The following FREM2 variants were observed in gnomAD, a reference collection of about 807,000 sequenced individuals.
FREM2 encodes FRAS1-related extracellular matrix protein 2.
Under a neutral mutation model 219.9 loss-of-function variants are expected in FREM2, and 119 were observed. The ratio of observed to expected loss-of-function variants is 0.54; its 90% confidence interval spans 0.47 to 0.63. The LOEUF is 0.63. FREM2 is among the 30% of genes least tolerant of loss of function. The pLI is 0.00. For synonymous variants in FREM2, 1,562 were observed against 1,522.8 expected (o/e 1.03, Z -0.60); for missense variants, 4,030 against 3,993.6 (o/e 1.01, Z -0.25).
intron 16 of FREM2, among the ~76,000 whole-genome samples, chr13:38,867,816 T>C (rs138411088): frequency 6.6e-6 from 1 of 152,358 alleles, no homozygotes; most frequent in East Asian, 1.9e-4. Context: ...AGTACTATTT[T>C]TGTCCTTTTC....
At position 38,687,325 on chromosome 13, in the gene FREM2, C is replaced by G; in HGVS notation, c.-20C>G. ...TCGCATGCTCTCAGGCTGACCTGTC[C>G]AAGCCCGAACACCGGGACCATGCAC... is the stretch of plus-strand genomic sequence containing the variant. On this transcript the variant is annotated 5_prime_UTR_variant, in exon 1 of 24. Transcript: ENST00000280481. 6.3e-7 allele frequency: 1 copy of G among 1,585,294 alleles called. No homozygotes were observed. The highest frequency in any genetic ancestry group is 8.6e-7 in the Non-Finnish European group (1 of 1,165,706).
At chr13:38,714,105 T>G (rs964684976) in intron 2 of FREM2, among the ~76,000 whole-genome samples, 1 of 152,236 alleles carries the variant, frequency 6.6e-6, no homozygotes, top group Non-Finnish European at 1.5e-5. Context: ...ATAAACTGTT[T>G]AGGGACAGAG....
At chr13:38,865,325 C>A (rs1229082665) in intron 16 of FREM2, among the ~76,000 whole-genome samples, 1 of 152,130 alleles carries the variant, frequency 6.6e-6, no homozygotes, top group Admixed American at 6.6e-5. Flanking sequence ...GATAAGGAAG[C>A]AAGATCTTCT....
chr13:38,880,800 GA>G lies in FREM2; in HGVS notation c.*15del. On this transcript the variant is annotated 3_prime_UTR_variant, in exon 24 of 24. Coordinates refer to ENST00000280481, the MANE Select transcript of FREM2 (RefSeq NM_207361.6). ...CTCAGAAGTTTGATGACTGCAGGTA[GA>G]ATTCAACCTTTTCCGTAAGTGCCTC... 6.2e-7 allele frequency: 1 copy of G among 1,613,944 alleles called. No homozygotes were observed. Among genetic ancestry groups the G allele is most frequent in the Non-Finnish European group, 8.5e-7 (1 of 1,179,996 alleles).
intron 6 of FREM2, among the ~76,000 whole-genome samples, chr13:38,808,725 T>C (rs925872770): frequency 1.3e-5 from 2 of 151,870 alleles, no homozygotes; most frequent in Admixed American, 6.6e-5. Context: ...ACATCAAAGA[T>C]CACTGATCAT....
chr13:38,793,366 G>A (rs1413420351), intron 6 of FREM2, among the ~76,000 whole-genome samples: 1 of 152,172 alleles, frequency 6.6e-6, no homozygotes, highest in African/African-American at 2.4e-5. Flanking sequence ...GAACTTTGAG[G>A]ATGATATCAA....
chr13:38,857,082 G>A (rs1359885670), intron 12 of FREM2, among the ~76,000 whole-genome samples: 2 of 152,028 alleles, frequency 1.3e-5, no homozygotes, highest in African/African-American at 4.8e-5. Context: ...ATCAAATATA[G>A]TTTTGTGTCT....
intron 6 of FREM2, among the ~76,000 whole-genome samples, chr13:38,812,049 C>G (rs1875501031): frequency 6.6e-6 from 1 of 152,056 alleles, no homozygotes; most frequent in Non-Finnish European, 1.5e-5. Flanking sequence ...TATACAATGA[C>G]CTTCTTTGTC....
At position 38,877,223 on chromosome 13, in the gene FREM2, G is replaced by A. The variant is rs1489028039; in HGVS notation, c.8651G>A (p.Ser2884Asn). ...SDGSMGFGQE[S>N]DVAFAEGDII... ...GGATCCATGGGATTCGGGCAAGAGA[G>A]TGATGTTGCTTTTGCAGAAGGTATC... The change falls in exon 21 of 24, where the codon AGT (serine) becomes AAT (asparagine). Residue 2884 changes from serine (S) to asparagine (N), a missense_variant. Physicochemically the swap from Ser to Asn is conservative, Grantham distance 46. Around this residue, in one of 2 missense-constraint regions of FREM2, gnomAD observed 928 missense variants for 1,042.9 expected, o/e 0.89. Transcript: ENST00000280481. 2.5e-6 allele frequency: 4 copies of A among 1,614,038 alleles called. No individual in the cohort carries two copies. Among genetic ancestry groups the A allele is most frequent in the South Asian group, 1.1e-5 (1 of 91,074 alleles).
chr13:38,811,378 A>G (rs1566150656), intron 6 of FREM2, among the ~76,000 whole-genome samples: 1 of 151,968 alleles, frequency 6.6e-6, no homozygotes, highest in Admixed American at 6.6e-5. Flanking sequence ...CTAGTTATTG[A>G]ACATGAATTA....
Position 38,851,805 on chromosome 13 carries a change from G to A in FREM2, c.6862G>A (p.Val2288Met). The change falls in exon 11 of 24, where the codon GTG becomes ATG. Residue 2288 changes from valine to methionine, a missense_variant. This residue lies in a region of FREM2 where 3,102 missense variants were observed against 2,950.7 expected (regional missense o/e 1.05). Coordinates refer to ENST00000280481, the MANE Select transcript of FREM2 (RefSeq NM_207361.6). ...RQGDTSKVSI[V>M]RVHTKDGSAT... is the part of the protein sequence containing the mutation. ...AGGAGACACTTCAAAGGTTTCCATT[G>A]TGAGAGTCCACACCAAGGATGGCTC... The A allele has an allele frequency of 6.2e-7, 1 of 1,613,976 alleles. No individual in the cohort carries two copies. The highest frequency in any genetic ancestry group is 8.5e-7 in the Non-Finnish European group (1 of 1,179,932).
Position 38,717,710 on chromosome 13 carries a change from C to T in FREM2, c.5263+19923C>T, listed in dbSNP as rs139263351. Among the ~76,000 whole-genome samples the T allele has an allele frequency of 1.7e-3, 256 of 152,250 alleles. 1 individual carries two copies. The East Asian group carries it at 0.04, about 24-fold the overall frequency. On this transcript the variant is annotated intron_variant, in intron 2 of 23. Transcript: ENST00000280481. ...GGGATTACAGGCATGAGCCACCATTCCTGATTTTAATTGAAAATAACAAAG... is the reference window on the plus strand; with the variant it reads ...GGGATTACAGGCATGAGCCACCATTTCTGATTTTAATTGAAAATAACAAAG...
In FREM2 at chr13:38,753,973, T is replaced by TTTATTTTA. The variant is rs1555265208; in HGVS notation, c.5264-10329_5264-10328insATTTTATT. On this transcript the variant is annotated intron_variant, in intron 2 of 23. Transcript: ENST00000280481. ...ACACATTCTTTTTATTTTATTTTAT[T>TTTATTTTA]TTTTATTTTATTTTATTTTATTTTT... Among the ~76,000 whole-genome samples, 48 of 148,492 alleles carry TTTATTTTA rather than the reference T, an allele frequency of 3.2e-4. 1 individual carries two copies. The South Asian group carries it at 9.8e-3, about 30-fold the overall frequency.
intron 4 of FREM2, among the ~76,000 whole-genome samples, chr13:38,782,089 A>C (rs1874140138): frequency 6.6e-6 from 1 of 152,222 alleles, no homozygotes; most frequent in Admixed American, 6.5e-5. Flanking sequence ...CCTGGGGCAC[A>C]GCGCAGGGTG....
At chr13:38,771,069 T>C (rs1873643442) in intron 4 of FREM2, among the ~76,000 whole-genome samples, 2 of 152,192 alleles carry the variant, frequency 1.3e-5, no homozygotes, top group Admixed American at 1.3e-4. Context: ...AATGGAGACC[T>C]GTGTGGAAAT....
chr13:38,762,420 T>G (rs1326069629), intron 2 of FREM2, among the ~76,000 whole-genome samples: 2 of 149,114 alleles, frequency 1.3e-5, no homozygotes, highest in African/African-American at 4.9e-5. Context: ...ACGGACAAAC[T>G]GACACAAAAT....
chr13:38,860,631 C>T (rs1467145391), intron 14 of FREM2, among the ~76,000 whole-genome samples: 1 of 152,174 alleles, frequency 6.6e-6, no homozygotes, highest in African/African-American at 2.4e-5. Context: ...TATTCTAATA[C>T]ATATTTGTCT....
chr13:38,712,643 C>CTG (rs1368971006), intron 2 of FREM2, among the ~76,000 whole-genome samples: 2 of 33,980 alleles, frequency 5.9e-5, no homozygotes, highest in African/African-American at 2.2e-4. Flanking sequence ...CTCTCTCTTT[C>CTG]TCTCTCTCAC....
chr13:38,720,759 C>A (rs1016422636), intron 2 of FREM2, among the ~76,000 whole-genome samples: 1 of 152,080 alleles, frequency 6.6e-6, no homozygotes, highest in Non-Finnish European at 1.5e-5. Context: ...ACACAGCAAC[C>A]AGGCTCAAAA....
Sources: allele counts gnomAD v4.1 joint callset (sites outside exome capture counted in the v4.1 genomes callset), GRCh38; gene constraint gnomAD v4.1.1; regional missense constraint gnomAD v4.1.1; transcripts MANE v1.5; gene names NCBI Gene and HGNC (gene_info 2026-07-23, HGNC 2026-07-21).